Variants in FSIP2 observed in about 807,000 individuals in gnomAD.
The protein encoded by FSIP2 is fibrous sheath-interacting protein 2.
A neutral mutation model predicts 510.5 loss-of-function variants in FSIP2; 367 were observed. That is an observed-to-expected ratio of 0.72 (90% CI 0.66 to 0.78). The LOEUF is 0.78. Among genes scored for constraint, FSIP2 ranks in the 30% least tolerant of loss-of-function variants. The pLI is 0.00. For missense variants in FSIP2, 7,594 were observed against 7,901.7 expected, an observed-to-expected ratio of 0.96 and a Z score of 1.48; for synonymous variants, 2,601 against 2,732.2, an observed-to-expected ratio of 0.95 and a Z score of 1.50.
chr2:185,800,727 A>G lies in FSIP2; in HGVS notation c.11421A>G (p.Gly3807=). 1.3e-6 allele frequency: 2 copies of G among 1,533,588 alleles called. No homozygotes were observed. The allele number at this position is 1,533,588 out of a possible 1,614,324, so 95.0% of individuals were successfully genotyped here. A position where few individuals can be genotyped will look rare whatever the true frequency, so the allele number is the denominator to read the frequency against. Residue 3807 remains glycine (G), a synonymous_variant, in exon 17 of 23, where the codon GGA becomes GGG. Coordinates refer to ENST00000424728, the MANE Select transcript of FSIP2 (RefSeq NM_173651.4). The part of the protein sequence containing the change: ...VEDGKSDYRK[G]GMDCECLQVD... ...ATGGAAAATCTGATTATCGTAAGGG[A>G]GGAATGGACTGTGAATGCCTTCAAG...
chr2:185,772,788 T>A (rs184731428), intron 13 of FSIP2, among the ~76,000 whole-genome samples: 248 of 148,732 alleles, frequency 1.7e-3, no homozygotes, highest in African/African-American at 6.0e-3. Flanking sequence ...TTTAGAATTT[T>A]TTTTAGCTTT....
intron 21 of FSIP2, among the ~76,000 whole-genome samples, chr2:185,829,897 A>G (rs1694076949): frequency 6.6e-6 from 1 of 151,896 alleles, no homozygotes; most frequent in African/African-American, 2.4e-5. Context: ...CAGAAAGAGG[A>G]ACCTCAAAAA....
Position 185,833,209 on chromosome 2 carries a change from C to G in FSIP2, c.20707C>G (p.His6903Asp). 1 of 1,610,090 alleles carries G rather than the reference C, an allele frequency of 6.2e-7. No individual in the cohort carries two copies. The highest frequency in any genetic ancestry group is 8.5e-7 in the Non-Finnish European group (1 of 1,177,846). ...TATTTCCAGATCTTCCTCACCAGCT[C>G]ACCAGGATGAACACTGAAGCTTTTG... ...TNISRSSSPAHQDEH is the reference protein window; with the variant it reads ...TNISRSSSPADQDEH Residue 6903 changes from histidine (H) to aspartate (D), a missense_variant, in exon 23 of 23, where the codon CAC becomes GAC. By Grantham distance (81) the His-to-Asp change is moderately conservative. Coordinates refer to ENST00000424728, the MANE Select transcript of FSIP2 (RefSeq NM_173651.4).
intron 22 of FSIP2, 111 bp downstream of exon 22, chr2:185,831,993 AT>A (rs1694117577): frequency 1.5e-6 from 1 of 681,670 alleles, no homozygotes; most frequent in Non-Finnish European, 2.6e-6. Context: ...CCCCTTGCAT[AT>A]TATCAAAATA....
rs1348533822 is a variant in FSIP2, at chr2:185,793,789, G to T, written c.6653G>T (p.Arg2218Ile). ...ERKTERFSYS[R>I]NQKSAYADDN... ...AAAACAGAGCGTTTTTCATATTCAA[G>T]AAATCAGAAATCAGCTTATGCTGAT... is the stretch of plus-strand genomic sequence containing the variant. Residue 2218 changes from arginine to isoleucine, a missense_variant, in exon 16 of 23, where the codon AGA (arginine) becomes ATA (isoleucine). Coordinates refer to ENST00000424728, the MANE Select transcript of FSIP2 (RefSeq NM_173651.4). The T allele has an allele frequency of 2.0e-6, 3 of 1,532,438 alleles. No homozygotes were observed. The East Asian group carries it at 7.3e-5, about 38-fold the overall frequency. The allele number at this position is 1,532,438 out of a possible 1,614,324, so 94.9% of individuals were successfully genotyped here. A position where few individuals can be genotyped will look rare whatever the true frequency, so the allele number is the denominator to read the frequency against.
chr2:185,799,747 G>A lies in FSIP2; in HGVS notation c.10441G>A (p.Glu3481Lys), dbSNP rs958959777. 3.0e-5 allele frequency: 45 copies of A among 1,476,946 alleles called. No homozygotes were observed. Among genetic ancestry groups the A allele is most frequent in the South Asian group, 1.6e-4 (12 of 73,910 alleles). 91.5% of individuals were successfully genotyped at this position (1,476,946 alleles called of 1,614,324 possible). Residue 3481 changes from glutamate (E) to lysine (K), a missense_variant, in exon 17 of 23, where the codon GAA (glutamate) becomes AAA (lysine). Transcript: ENST00000424728. ...TTCTACATGGTCAAGGAAAAAATAT[G>A]AATCAAAACAGTTCCTAAGAAACAT... Reference protein sequence around the residue: ...SVSTWSRKKYESKQFLRNIYD... With the variant: ...SVSTWSRKKYKSKQFLRNIYD...
chr2:185,814,092 C>T, intron 18 of FSIP2, 50 bp downstream of exon 18: 1 of 1,526,752 alleles, frequency 6.5e-7, no homozygotes. Flanking sequence ...GACATCTTCA[C>T]AAATCTGGCC....
intron 19 of FSIP2, among the ~76,000 whole-genome samples, chr2:185,816,331 A>T (rs1693825761): frequency 6.6e-6 from 1 of 151,636 alleles, no homozygotes; most frequent in Admixed American, 6.6e-5. Context: ...ATACATAGCT[A>T]GTAATGTTGG....
chr2:185,795,737 T>G lies in FSIP2; in HGVS notation c.8601T>G (p.Thr2867=). 1 of 1,533,056 alleles carries G rather than the reference T, an allele frequency of 6.5e-7. No homozygotes were observed. The highest frequency in any genetic ancestry group is 8.7e-7 in the Non-Finnish European group (1 of 1,145,216). The allele number at this position is 1,533,056 out of a possible 1,614,324, so 95.0% of individuals were successfully genotyped here. Residue 2867 remains threonine (T), a synonymous_variant, in exon 16 of 23, where the codon ACT becomes ACG. Coordinates refer to ENST00000424728, the MANE Select transcript of FSIP2 (RefSeq NM_173651.4). ...TGATGATAGCTGAAAATGTTTTGAC[T>G]GAAATTTCAATAAAAGCAAAAGAAT... The part of the protein sequence containing the change: ...KLLMIAENVL[T]EISIKAKELE...
intron 16 of FSIP2, among the ~76,000 whole-genome samples, chr2:185,798,440 G>A (rs561185476): frequency 1.6e-4 from 24 of 151,866 alleles, no homozygotes; most frequent in African/African-American, 3.9e-4. Flanking sequence ...ACATGTAATC[G>A]TCATTTTGTA....
rs1475346940 is a variant in FSIP2 at position 185,768,560 on chromosome 2, A to G, written c.1411+3995A>G. 3.3e-5 allele frequency among the ~76,000 whole-genome samples: 5 copies of G among 152,082 alleles called. No individual in the cohort carries two copies. In the East Asian group the frequency reaches 9.6e-4, roughly 29 times the overall value. Reference sequence around the variant, plus strand: ...CTTTTTTATGTTATTTTTAATTGGCATATAGTTATTTTCCATATTTATGTT... The same window carrying G: ...CTTTTTTATGTTATTTTTAATTGGCGTATAGTTATTTTCCATATTTATGTT... On this transcript the variant is annotated intron_variant, in intron 13 of 22. Transcript: ENST00000424728.
intron 13 of FSIP2, among the ~76,000 whole-genome samples, chr2:185,769,574 C>T (rs867507451): frequency 6.6e-6 from 1 of 152,072 alleles, no homozygotes; most frequent in South Asian, 2.1e-4. Context: ...TCTAGGTTGT[C>T]TGTTTACTGT....
upstream of FSIP2, among the ~76,000 whole-genome samples, chr2:185,737,485 C>T (rs1020813769): frequency 1.8e-4 from 28 of 152,120 alleles, no homozygotes; most frequent in East Asian, 1.9e-4. Flanking sequence ...AAATGATTAG[C>T]GGCTTAACCG....
In FSIP2 at chr2:185,794,560, C is replaced by A; in HGVS notation, c.7424C>A (p.Ser2475Ter). Reference sequence around the variant, plus strand: ...GAAATATTTATGAGAAATGGAGAATCAAAAAACAAAGAAAAAGGTGAACTG... The same window carrying A: ...GAAATATTTATGAGAAATGGAGAATAAAAAAACAAAGAAAAAGGTGAACTG... ...LEEIFMRNGE[S>*]KNKEKGELLI... The change falls in exon 16 of 23, where the codon TCA (serine) becomes TAA (stop). Residue 2475 changes from serine to a stop codon, truncating the protein, a stop_gained. Coordinates refer to ENST00000424728, the MANE Select transcript of FSIP2 (RefSeq NM_173651.4). LOFTEE classifies it high-confidence loss of function. 6.5e-7 allele frequency: 1 copy of A among 1,529,730 alleles called. No individual in the cohort carries two copies. The highest frequency in any genetic ancestry group is 1.2e-5 in the South Asian group (1 of 82,608). 94.8% of individuals were successfully genotyped at this position (1,529,730 alleles called of 1,614,324 possible).
At chr2:185,797,760 C>A in intron 16 of FSIP2, 1 of 441,784 alleles carries the variant, frequency 2.3e-6, no homozygotes, top group Non-Finnish European at 4.1e-6. Flanking sequence ...ATGATCATTG[C>A]TTCCTGCAGC....
At chr2:185,779,393 A>G (rs765617310) in intron 13 of FSIP2, among the ~76,000 whole-genome samples, 13 of 151,990 alleles carry the variant, frequency 8.6e-5, no homozygotes, top group Non-Finnish European at 1.3e-4. Flanking sequence ...ATGGATACAT[A>G]AAATCAGACA....
At position 185,793,101 on chromosome 2, in the gene FSIP2, A is replaced by G; in HGVS notation, c.5965A>G (p.Thr1989Ala). The change falls in exon 16 of 23, where the codon ACC becomes GCC. Residue 1989 changes from threonine (T) to alanine (A), a missense_variant. Thr to Ala is a moderately conservative substitution (Grantham distance 58). Coordinates refer to ENST00000424728, the MANE Select transcript of FSIP2 (RefSeq NM_173651.4). ...CSVDHTKSGK[T>A]NLCQLSLSKL... ...AGTAGATCATACCAAGTCAGGAAAG[A>G]CCAACTTGTGCCAACTGTCTTTGTC... is the stretch of plus-strand genomic sequence containing the variant. The G allele has an allele frequency of 6.5e-7, 1 of 1,534,372 alleles. No individual in the cohort carries two copies. Among genetic ancestry groups the G allele is most frequent in the Middle Eastern group, 1.7e-4 (1 of 5,976 alleles).
Position 185,795,301 on chromosome 2 carries a change from C to T in FSIP2, c.8165C>T (p.Ala2722Val), listed in dbSNP as rs1693240756. ...GLSHIMSAGD[A>V]KNLLDTKLPT... ...TCACACATCATGTCAGCTGGAGATG[C>T]CAAAAATTTACTGGACACAAAATTG... The change falls in exon 16 of 23, where the codon GCC becomes GTC. Residue 2722 changes from alanine (A) to valine (V), a missense_variant. Physicochemically the swap from Ala to Val is moderately conservative, Grantham distance 64. Transcript: ENST00000424728. 1 of 1,534,762 alleles carries T rather than the reference C, an allele frequency of 6.5e-7. No individual in the cohort carries two copies. The highest frequency in any genetic ancestry group is 1.2e-5 in the South Asian group (1 of 84,042).
In FSIP2 at chr2:185,833,042, A is replaced by T. The variant is rs1372705685; in HGVS notation, c.20588-48A>T. ...GACCTTAGGCAAGGTATTTTACCTC[A>T]GTGTTCAAAAATAAAGATATCATTC... is the stretch of plus-strand genomic sequence containing the variant. On this transcript the variant is annotated intron_variant, in intron 22 of 22. Coordinates refer to ENST00000424728, the MANE Select transcript of FSIP2 (RefSeq NM_173651.4). 3 of 1,572,838 alleles carry T rather than the reference A, an allele frequency of 1.9e-6. No homozygotes were observed. The East Asian group carries it at 6.8e-5, about 35-fold the overall frequency.
Sources: allele counts gnomAD v4.1 joint callset (sites outside exome capture counted in the v4.1 genomes callset), GRCh38; gene constraint gnomAD v4.1.1; transcripts MANE v1.5; gene names NCBI Gene and HGNC (gene_info 2026-07-23, HGNC 2026-07-21).